NALCN: variants seen among roughly 807,000 people sequenced by gnomAD.
NALCN encodes the protein sodium leak channel, non-selective.
Under a neutral mutation model 225.3 loss-of-function variants are expected in NALCN, and 111 were observed. That is an observed-to-expected ratio of 0.49 (90% CI 0.42 to 0.58). NALCN has a LOEUF of 0.58. Ranked by LOEUF, NALCN falls within the 20% of genes least tolerant of loss-of-function variation. NALCN has a pLI of 0.00. For synonymous variants in NALCN, 764 were observed against 769.0 expected (o/e 0.99, Z 0.11); for missense variants, 1,378 against 2,202.4 (o/e 0.63, Z 7.49).
intron 12 of NALCN, among the ~76,000 whole-genome samples, chr13:101,236,021 T>C (rs1018262259): frequency 2.0e-5 from 3 of 152,184 alleles, no homozygotes; most frequent in Admixed American, 6.6e-5. Flanking sequence ...TCATTTTATT[T>C]CCCAAATATT....
Position 101,104,207 on chromosome 13 carries a change from A to G in NALCN, c.2889+88T>C. 6.8e-7 allele frequency: 1 copy of G among 1,479,064 alleles called. No individual in the cohort carries two copies. Among genetic ancestry groups the G allele is most frequent in the Non-Finnish European group, 9.1e-7 (1 of 1,103,880 alleles). The allele number at this position is 1,479,064 out of a possible 1,614,324, so 91.6% of individuals were successfully genotyped here. ...CGGTTAGGGAATCTAAGCCTCTGTA[A>G]CTCATACCTCTTGCGCTTATACCAA... is the stretch of plus-strand genomic sequence containing the variant. On this transcript the variant is annotated intron_variant, in intron 25 of 43. Transcript: ENST00000251127. The surrounding 1 kb of genome is among the most constrained non-coding windows in gnomAD (Gnocchi z 4.2).
chr13:101,066,279 C>T (rs2032381180), intron 39 of NALCN, among the ~76,000 whole-genome samples: 1 of 147,168 alleles, frequency 6.8e-6, no homozygotes, highest in African/African-American at 2.5e-5. Flanking sequence ...CACTGCATTC[C>T]AGCCTGGAGA....
At chr13:101,228,296 C>G (rs1378151664) in intron 13 of NALCN, among the ~76,000 whole-genome samples, 1 of 151,864 alleles carries the variant, frequency 6.6e-6, no homozygotes, top group Non-Finnish European at 1.5e-5. Context: ...AAGTACAGAC[C>G]CTTTTGCTGT....
chr13:101,196,837 T>C (rs1358600978), intron 13 of NALCN, among the ~76,000 whole-genome samples: 1 of 152,174 alleles, frequency 6.6e-6, no homozygotes, highest in Non-Finnish European at 1.5e-5. Flanking sequence ...GAGAAGTCAA[T>C]GTCCTCCTGT....
intron 1 of NALCN, among the ~76,000 whole-genome samples, chr13:101,402,160 T>C (rs1355986827): frequency 6.6e-6 from 1 of 152,186 alleles, no homozygotes; most frequent in Non-Finnish European, 1.5e-5. Context: ...TAAGCCAATA[T>C]CTCTTTTTTC....
In NALCN at chr13:101,308,129, G is replaced by A. The variant is rs184006627; in HGVS notation, c.800-15763C>T. Reference sequence around the variant, plus strand: ...TTCAATAAATGAAGTCAAATTTCATGGCTTCATTTTTGGAATATATTTATA... The same window carrying A: ...TTCAATAAATGAAGTCAAATTTCATAGCTTCATTTTTGGAATATATTTATA... On this transcript the variant is annotated intron_variant, in intron 7 of 43. Coordinates refer to ENST00000251127, the MANE Select transcript of NALCN (RefSeq NM_052867.4). 2.0e-5 allele frequency among the ~76,000 whole-genome samples: 3 copies of A among 152,198 alleles called. No homozygotes were observed. The East Asian group carries it at 5.8e-4, about 29-fold the overall frequency.
In NALCN at chr13:101,394,007, T is replaced by C. The variant is rs75418237; in HGVS notation, c.291+1176A>G. ...TGTAAAATATTATTATATTTGATAA[T>C]GGTATGGTGGTTATAAAAAGAGAAA... On this transcript the variant is annotated intron_variant, in intron 3 of 43. Coordinates refer to ENST00000251127, the MANE Select transcript of NALCN (RefSeq NM_052867.4). 5.2e-3 allele frequency among the ~76,000 whole-genome samples: 794 copies of C among 152,320 alleles called. 7 individuals carry two copies. The highest frequency in any genetic ancestry group is 0.018 in the African/African-American group (747 of 41,570).
chr13:101,399,201 C>A, intron 1 of NALCN, 36 bp from the exon 2 acceptor site: 1 of 1,539,882 alleles, frequency 6.5e-7, no homozygotes, highest in East Asian at 2.3e-5. Context: ...TCATCTAAAC[C>A]ATCTTGCCCT....
At chr13:101,185,855 CAA>C (rs1213980069) in intron 14 of NALCN, among the ~76,000 whole-genome samples, 2 of 152,204 alleles carry the variant, frequency 1.3e-5, no homozygotes, top group South Asian at 4.1e-4. Context: ...TCGGTGTGAA[CAA>C]AAGACACATC....
At chr13:101,177,432 T>TATATATATATATATATATATA (rs2039007479) in intron 14 of NALCN, among the ~76,000 whole-genome samples, 3 of 147,360 alleles carry the variant, frequency 2.0e-5, no homozygotes, top group Non-Finnish European at 4.5e-5. Flanking sequence ...TATATATATA[T>TATATATATATATATATATATA]GGTAGAAGCT....
chr13:101,065,614 TG>T, intron 39 of NALCN, 53 bp from the exon 40 acceptor site: 1 of 1,569,078 alleles, frequency 6.4e-7, no homozygotes, highest in Non-Finnish European at 8.6e-7. Context: ...ATGATTCACT[TG>T]GGTTTCTCAA....
At chr13:101,160,942 A>G (rs2038153291) in intron 15 of NALCN, among the ~76,000 whole-genome samples, 1 of 152,258 alleles carries the variant, frequency 6.6e-6, no homozygotes, top group Admixed American at 6.5e-5. Context: ...GTGAAAATAC[A>G]CAAGGAGGAA....
intron 10 of NALCN, among the ~76,000 whole-genome samples, chr13:101,278,296 G>A (rs2043028922): frequency 6.6e-6 from 1 of 152,038 alleles, no homozygotes. Flanking sequence ...AGGCCGAGGT[G>A]GGCGGATCAT....
intron 43 of NALCN, among the ~76,000 whole-genome samples, chr13:101,055,973 T>C (rs979425536): frequency 2.0e-5 from 3 of 152,134 alleles, no homozygotes; most frequent in African/African-American, 7.2e-5. Flanking sequence ...TATGTAGCTA[T>C]GGGCAACTTC....
chr13:101,073,134 G>A lies in NALCN; in HGVS notation c.4197+450C>T, dbSNP rs2033010515. Among the ~76,000 whole-genome samples the A allele has an allele frequency of 2.0e-5, 3 of 152,132 alleles. No individual in the cohort carries two copies. The South Asian group carries it at 6.2e-4, about 32-fold the overall frequency. ...GGGGAAGACAGGATATAGTAAGAAG[G>A]AAGTATAAAGTATACTTTATAGTAT... On this transcript the variant is annotated intron_variant, in intron 37 of 43. Transcript: ENST00000251127.
intron 16 of NALCN, among the ~76,000 whole-genome samples, chr13:101,143,775 A>G (rs2037210629): frequency 6.6e-6 from 1 of 152,110 alleles, no homozygotes; most frequent in African/African-American, 2.4e-5. Context: ...AGTTTTTTGA[A>G]TCTTATTGTG....
intron 14 of NALCN, 78 bp from the exon 15 acceptor site, chr13:101,176,452 TA>T: frequency 1.0e-6 from 1 of 972,338 alleles, no homozygotes; most frequent in Non-Finnish European, 1.5e-6. Flanking sequence ...TATAGCTACC[TA>T]AAATATATTG....
intron 15 of NALCN, among the ~76,000 whole-genome samples, chr13:101,171,204 T>C (rs1481155626): frequency 6.6e-6 from 1 of 150,474 alleles, no homozygotes; most frequent in African/African-American, 2.4e-5. Flanking sequence ...AAATACTAAA[T>C]ATAAAAAATA....
intron 1 of NALCN, among the ~76,000 whole-genome samples, chr13:101,402,895 C>A (rs536019286): frequency 6.6e-6 from 1 of 152,328 alleles, no homozygotes; most frequent in East Asian, 1.9e-4. Context: ...GAAGGCCCAG[C>A]AGGTTCTCTT....
Sources: allele counts gnomAD v4.1 joint callset (sites outside exome capture counted in the v4.1 genomes callset), GRCh38; gene constraint gnomAD v4.1.1; non-coding constraint Gnocchi (gnomAD v3.1); transcripts MANE v1.5; gene names NCBI Gene and HGNC (gene_info 2026-07-23, HGNC 2026-07-21).